Variants in NAV2 observed in about 807,000 individuals in gnomAD.
NAV2 encodes neuron navigator 2, also known as helicase, APC down-regulated 1.
In NAV2, 54 loss-of-function variants were observed where a neutral mutation model predicts 223.2. The observed-to-expected ratio is 0.24, with a 90% confidence interval of 0.19 to 0.30. The LOEUF is 0.30. Ranked by LOEUF, NAV2 falls within the 10% of genes least tolerant of loss-of-function variation. NAV2 has a pLI of 1.00. For missense variants in NAV2, 2,806 were observed against 3,147.5 expected (o/e 0.89, Z 2.60); for synonymous variants, 1,279 against 1,239.3 (o/e 1.03, Z -0.67).
chr11:19,376,402 C>G (rs547828813), intron 1 of NAV2, among the ~76,000 whole-genome samples: 40 of 152,134 alleles, frequency 2.6e-4, no homozygotes, highest in Non-Finnish European at 4.9e-4. Flanking sequence ...TCATGACAAC[C>G]TTGAGACAGG....
intron 1 of NAV2, among the ~76,000 whole-genome samples, chr11:19,796,360 T>C (rs1333959785): frequency 6.6e-6 from 1 of 152,168 alleles, no homozygotes; most frequent in Non-Finnish European, 1.5e-5. Flanking sequence ...AGGTGCACCT[T>C]ATTGACAGAA....
chr11:19,913,696 T>C (rs1365175654), intron 6 of NAV2, among the ~76,000 whole-genome samples: 1 of 152,218 alleles, frequency 6.6e-6, no homozygotes, highest in Non-Finnish European at 1.5e-5. Context: ...GATCTGCTAC[T>C]AATTCAGAGT....
chr11:19,442,919 C>T (rs560187145), intron 1 of NAV2, among the ~76,000 whole-genome samples: 7 of 152,298 alleles, frequency 4.6e-5, no homozygotes, highest in South Asian at 2.1e-4. Context: ...CTTCCACCAT[C>T]GGGAGAAATG....
upstream of NAV2, among the ~76,000 whole-genome samples, chr11:19,709,848 G>C (rs1399358884): frequency 2.6e-5 from 4 of 152,036 alleles, no homozygotes; most frequent in Non-Finnish European, 5.9e-5. Context: ...TTACTAAAGG[G>C]AAGAAGAGGC....
intron 1 of NAV2, among the ~76,000 whole-genome samples, chr11:19,593,069 G>T (rs191887925): frequency 2.0e-5 from 3 of 151,952 alleles, no homozygotes; most frequent in Non-Finnish European, 4.4e-5. Context: ...AATCACCACC[G>T]CAATCAAGAT....
rs562180142 is a variant in NAV2, at chr11:19,753,702, C to T, written c.267+39740C>T. On this transcript the variant is annotated intron_variant, in intron 1 of 37. Coordinates refer to ENST00000349880, the MANE Select transcript of NAV2 (RefSeq NM_145117.5). ...AGTAGCCCAGGCTCCAGGACAGTTG[C>T]TGAAGTCAGAACAGGTGGGGGTGGA... Among the ~76,000 whole-genome samples, 44 of 152,352 alleles carry T rather than the reference C, an allele frequency of 2.9e-4. 1 individual carries two copies. Among genetic ancestry groups the T allele is most frequent in the African/African-American group, 9.4e-4 (39 of 41,588 alleles).
intron 1 of NAV2, among the ~76,000 whole-genome samples, chr11:19,386,192 T>C (rs1849036285): frequency 2.0e-5 from 3 of 152,216 alleles, no homozygotes; most frequent in Non-Finnish European, 4.4e-5. Flanking sequence ...GATAAATGCA[T>C]TTAACAATCG....
chr11:19,807,414 G>T (rs1044643666), intron 1 of NAV2, among the ~76,000 whole-genome samples: 2 of 152,174 alleles, frequency 1.3e-5, no homozygotes, highest in Non-Finnish European at 2.9e-5. Flanking sequence ...TTCCTGTTCT[G>T]CTAAAAGCTG....
intron 1 of NAV2, among the ~76,000 whole-genome samples, chr11:19,463,018 G>A (rs183415400): frequency 3.9e-5 from 6 of 152,226 alleles, no homozygotes; most frequent in Non-Finnish European, 5.9e-5. Context: ...AGCTGAAAGA[G>A]CAATAGCTAT....
intron 1 of NAV2, among the ~76,000 whole-genome samples, chr11:19,614,738 T>C (rs566585039): frequency 6.6e-6 from 1 of 152,170 alleles, no homozygotes; most frequent in Non-Finnish European, 1.5e-5. Context: ...GTTTTCTCTG[T>C]AGCTGTGGTT....
intron 1 of NAV2, among the ~76,000 whole-genome samples, chr11:19,568,606 A>G (rs2045336905): frequency 2.6e-5 from 4 of 152,246 alleles, no homozygotes; most frequent in Admixed American, 2.6e-4. Flanking sequence ...AGCACTTCAC[A>G]GACTTGATCT....
chr11:19,862,279 A>C (rs948545653), intron 3 of NAV2, among the ~76,000 whole-genome samples: 5 of 152,254 alleles, frequency 3.3e-5, no homozygotes, highest in Admixed American at 2.0e-4. Flanking sequence ...AGTATGGTGG[A>C]TAACACTGCC....
chr11:19,346,659 G>C (rs961730190), upstream of NAV2, among the ~76,000 whole-genome samples: 1 of 152,228 alleles, frequency 6.6e-6, no homozygotes. Flanking sequence ...CTCGCTCGCA[G>C]TGCACAGATA....
At chr11:19,661,407 A>G (rs916215910) in intron 1 of NAV2, among the ~76,000 whole-genome samples, 6 of 152,114 alleles carry the variant, frequency 3.9e-5, no homozygotes, top group African/African-American at 9.7e-5. Context: ...CACTGTTGAC[A>G]CTCGGTTTGA....
chr11:19,913,872 A>G (rs1040471753), intron 6 of NAV2, among the ~76,000 whole-genome samples: 1 of 152,158 alleles, frequency 6.6e-6, no homozygotes, highest in Admixed American at 6.5e-5. Flanking sequence ...GGGACCGCAT[A>G]GTCTCCAAAA....
chr11:19,872,295 C>G, intron 4 of NAV2, among the ~76,000 whole-genome samples: 1 of 152,262 alleles, frequency 6.6e-6, no homozygotes, highest in South Asian at 2.1e-4. Flanking sequence ...GTACCCCCAG[C>G]AACCTTATGG....
chr11:19,496,231 G>C (rs535510098), intron 1 of NAV2, among the ~76,000 whole-genome samples: 3 of 152,286 alleles, frequency 2.0e-5, no homozygotes, highest in African/African-American at 7.2e-5. Flanking sequence ...GTTATATGTT[G>C]CTTTGTAATA....
chr11:19,409,056 A>G (rs1363184908), intron 1 of NAV2, among the ~76,000 whole-genome samples: 1 of 152,134 alleles, frequency 6.6e-6, no homozygotes, highest in African/African-American at 2.4e-5. Flanking sequence ...GACTCCAATT[A>G]CGTCCTTAAT....
intron 5 of NAV2, among the ~76,000 whole-genome samples, chr11:19,891,978 A>T (rs76838177): frequency 0.07 from 10,662 of 151,976 alleles, 424 homozygotes; most frequent in Middle Eastern, 0.13. Flanking sequence ...TTTTGTTTTG[A>T]GTCAGGGTCC....
Sources: allele counts gnomAD v4.1 joint callset (sites outside exome capture counted in the v4.1 genomes callset), GRCh38; gene constraint gnomAD v4.1.1; transcripts MANE v1.5; gene names NCBI Gene and HGNC (gene_info 2026-07-23, HGNC 2026-07-21).